The following UBE3C variants were observed in gnomAD, a reference collection of about 807,000 sequenced individuals.
UBE3C encodes the protein ubiquitin-protein ligase E3C.
In UBE3C, 42 loss-of-function variants were observed where a neutral mutation model predicts 129.4. The ratio of observed to expected loss-of-function variants is 0.32; its 90% CI spans 0.25 to 0.42. UBE3C has a LOEUF of 0.42. Ranked by LOEUF, UBE3C falls within the 10% of genes least tolerant of loss-of-function variation. The pLI is 1.00. For missense variants in UBE3C, 1,049 were observed against 1,319.1 expected (o/e 0.80, Z 3.17); for synonymous variants, 510 against 492.4 (o/e 1.04, Z -0.47).
intron 1 of UBE3C, among the ~76,000 whole-genome samples, chr7:157,161,013 A>G (rs1425859499): frequency 2.0e-5 from 3 of 152,256 alleles, no homozygotes; most frequent in African/African-American, 7.2e-5. Flanking sequence ...CATCCAGGAC[A>G]TGAAAGATGA....
rs1808819310 is a variant in UBE3C, at chr7:157,186,837, G to T, written c.1147G>T (p.Asp383Tyr). ...TGGTTGTTCTGGTATGTTCTAGGAG[G>T]ATGGCAGACTGTCAGTATCATACAT... ...EEADKPSSPE[D>Y]GRLSVSYITE... is the part of the protein sequence containing the mutation. Residue 383 changes from aspartate to tyrosine, a missense_variant, in exon 10 of 23, where the codon GAT (aspartate) becomes TAT (tyrosine). This residue lies in a region of UBE3C where 489 missense variants were observed against 513.8 expected (regional missense o/e 0.95). Transcript: ENST00000348165. 6.2e-7 allele frequency: 1 copy of T among 1,614,024 alleles called. No homozygotes were observed. Among genetic ancestry groups the T allele is most frequent in the African/African-American group, 1.3e-5 (1 of 74,922 alleles).
chr7:157,171,688 T>TATATATATA (rs1808379626), intron 4 of UBE3C, among the ~76,000 whole-genome samples: 4 of 4,902 alleles, frequency 8.2e-4, no homozygotes, highest in Non-Finnish European at 1.5e-3. Context: ...ATATATATAT[T>TATATATATA]TTTTTTTTTT....
chr7:157,215,229 C>G (rs998044446), intron 13 of UBE3C, among the ~76,000 whole-genome samples: 1 of 152,106 alleles, frequency 6.6e-6, no homozygotes, highest in African/African-American at 2.4e-5. Context: ...GTAGGTCATT[C>G]AAGGGGTGTC....
chr7:157,238,033 C>G (rs188117796), intron 18 of UBE3C, among the ~76,000 whole-genome samples: 2 of 152,136 alleles, frequency 1.3e-5, no homozygotes, highest in Admixed American at 6.5e-5. Flanking sequence ...GCCTGGGTGA[C>G]AGAGACCCTG....
chr7:157,218,094 G>T (rs751712634), intron 14 of UBE3C, among the ~76,000 whole-genome samples: 6 of 152,074 alleles, frequency 3.9e-5, no homozygotes, highest in Non-Finnish European at 5.9e-5. Flanking sequence ...AGAAAAAGTC[G>T]TAACTGGATT....
chr7:157,229,592 C>T (rs140978722), intron 17 of UBE3C, among the ~76,000 whole-genome samples: 2,232 of 152,274 alleles, frequency 0.015, 55 homozygotes, highest in African/African-American at 0.051. Flanking sequence ...GCTGGGATTA[C>T]AGGCATGTGC....
chr7:157,164,323 A>AT (rs1227210190), intron 2 of UBE3C: 1 of 455,794 alleles, frequency 2.2e-6, no homozygotes, highest in African/African-American at 2.0e-5. Context: ...TGCCCAGCTA[A>AT]TTTTTAAGAT....
chr7:157,139,895 C>A, intron 1 of UBE3C: 2 of 602,422 alleles, frequency 3.3e-6, no homozygotes, highest in African/African-American at 2.0e-5. Context: ...AGAGGCAGAA[C>A]GTCTCATGAA....
chr7:157,197,765 G>A, intron 10 of UBE3C: 1 of 1,612,790 alleles, frequency 6.2e-7, no homozygotes. Flanking sequence ...CCAGGATCCT[G>A]TGTGTACTAT....
At chr7:157,228,894 A>G (rs950002876) in intron 17 of UBE3C, among the ~76,000 whole-genome samples, 1 of 152,262 alleles carries the variant, frequency 6.6e-6, no homozygotes, top group Non-Finnish European at 1.5e-5. Context: ...TGACACGTGT[A>G]CATAGCAATC....
intron 1 of UBE3C, among the ~76,000 whole-genome samples, chr7:157,144,826 T>TG (rs1342912988): frequency 6.6e-5 from 10 of 152,232 alleles, no homozygotes; most frequent in African/African-American, 2.4e-4. Flanking sequence ...GATCATCAGT[T>TG]ACAATTGATA....
chr7:157,235,972 G>T (rs1563068674), intron 18 of UBE3C, among the ~76,000 whole-genome samples: 1 of 152,206 alleles, frequency 6.6e-6, no homozygotes, highest in Non-Finnish European at 1.5e-5. Context: ...TTGATTGATT[G>T]TGATATTTAT....
At chr7:157,192,283 A>C in intron 10 of UBE3C, 2 of 405,996 alleles carry the variant, frequency 4.9e-6, no homozygotes, top group Non-Finnish European at 9.2e-6. Flanking sequence ...CCACGTTTTT[A>C]AAGTTTTCTT....
intron 1 of UBE3C, among the ~76,000 whole-genome samples, chr7:157,162,237 C>T (rs752816493): frequency 6.6e-6 from 1 of 151,938 alleles, no homozygotes; most frequent in Non-Finnish European, 1.5e-5. Context: ...CTGTGTTGCC[C>T]AGGCTGGAGT....
chr7:157,248,255 A>G, intron 18 of UBE3C, 113 bp from the exon 19 acceptor site: 3 of 960,464 alleles, frequency 3.1e-6, no homozygotes, highest in Non-Finnish European at 4.7e-6. Context: ...TACTATGAGG[A>G]GAAAATACCT....
chr7:157,246,113 T>C (rs1244853581), intron 18 of UBE3C, among the ~76,000 whole-genome samples: 1 of 152,184 alleles, frequency 6.6e-6, no homozygotes, highest in Non-Finnish European at 1.5e-5. Flanking sequence ...TTTCTCATTT[T>C]CTCCAGTCGT....
chr7:157,153,209 A>G (rs936398089), intron 1 of UBE3C, among the ~76,000 whole-genome samples: 1 of 152,190 alleles, frequency 6.6e-6, no homozygotes, highest in Non-Finnish European at 1.5e-5. Flanking sequence ...AAAACAAAAC[A>G]AAACAAAATT....
rs779935978 is a variant in UBE3C at position 157,181,616 on chromosome 7, G to GA, written c.716dup (p.Asn240GlufsTer68). On this transcript the variant is annotated frameshift_variant, in exon 7 of 23. Coordinates refer to ENST00000348165, the MANE Select transcript of UBE3C (RefSeq NM_014671.3). LOFTEE classifies it high-confidence loss of function. ...AGTTCCTATAGCAAAAATTTTGCTA[G>GA]AGAATGTTCTAAAACCATTGCACTT... 3.1e-6 allele frequency: 5 copies of GA among 1,613,804 alleles called. No individual in the cohort carries two copies. Among genetic ancestry groups the GA allele is most frequent in the Non-Finnish European group, 4.2e-6 (5 of 1,179,928 alleles).
intron 7 of UBE3C, 44 bp from the exon 8 acceptor site, chr7:157,182,064 A>G (rs1586668978): frequency 6.7e-7 from 1 of 1,488,804 alleles, no homozygotes; most frequent in Non-Finnish European, 9.0e-7. Context: ...TTGGATGGAC[A>G]GTATAATTTG....
Sources: gnomAD v4.1 joint callset for allele counts (sites outside exome capture counted in the v4.1 genomes callset) on GRCh38, gnomAD v4.1.1 for gene constraint, gnomAD v4.1.1 regional missense constraint, MANE v1.5 for transcripts, NCBI Gene and HGNC (gene_info 2026-07-23, HGNC 2026-07-21) for gene names.